The following FAF1 variants were observed in gnomAD, a reference collection of about 807,000 sequenced individuals.
FAF1 encodes Fas associated factor 1.
FAF1 carries 25 observed loss-of-function variants against 92.5 expected under a neutral mutation model. That is an observed-to-expected ratio of 0.27 (90% CI 0.20 to 0.38). The LOEUF is 0.38. Ranked by LOEUF, FAF1 falls within the 10% of genes least tolerant of loss-of-function variation. FAF1 has a pLI of 1.00. For missense variants in FAF1, 636 were observed against 793.3 expected (o/e 0.80, Z 2.38); for synonymous variants, 234 against 273.2 (o/e 0.86, Z 1.42).
At chr1:50,655,649 G>C in intron 7 of FAF1, 121 bp from the exon 8 acceptor site, 1 of 628,710 alleles carries the variant, frequency 1.6e-6, no homozygotes, top group Non-Finnish European at 2.6e-6. Context: ...ACAAGAATTT[G>C]AAACTATAAA....
chr1:50,798,358 TAGTG>T (rs766267577), intron 3 of FAF1, among the ~76,000 whole-genome samples: 7 of 152,198 alleles, frequency 4.6e-5, no homozygotes, highest in Non-Finnish European at 1.5e-5. Flanking sequence ...ACCATCCACT[TAGTG>T]AGTGGCTAAA....
chr1:50,587,348 T>A (rs1465362366), intron 9 of FAF1, among the ~76,000 whole-genome samples: 1 of 152,184 alleles, frequency 6.6e-6, no homozygotes, highest in Non-Finnish European at 1.5e-5. Context: ...AAGGGAGGTA[T>A]CTAAAAAGCC....
At chr1:50,872,618 T>C (rs1455558147) in intron 1 of FAF1, among the ~76,000 whole-genome samples, 3 of 152,136 alleles carry the variant, frequency 2.0e-5, no homozygotes, top group Non-Finnish European at 2.9e-5. Flanking sequence ...TCAAACAGGC[T>C]GGGCGCGGTG....
At chr1:50,726,380 T>C (rs1557495801) in intron 6 of FAF1, among the ~76,000 whole-genome samples, 2 of 152,096 alleles carry the variant, frequency 1.3e-5, no homozygotes, top group Non-Finnish European at 2.9e-5. Flanking sequence ...CTATTTTCTG[T>C]CACACCTTGC....
intron 18 of FAF1, among the ~76,000 whole-genome samples, chr1:50,471,906 A>G (rs1238927259): frequency 6.6e-6 from 1 of 152,170 alleles, no homozygotes; most frequent in Non-Finnish European, 1.5e-5. Context: ...GGAGAAGGGA[A>G]GAATGGAAAG....
intron 1 of FAF1, among the ~76,000 whole-genome samples, chr1:50,884,999 T>A (rs1644646841): frequency 6.6e-6 from 1 of 152,224 alleles, no homozygotes; most frequent in African/African-American, 2.4e-5. Flanking sequence ...GGTTGAATCT[T>A]GGAAGGTTTT....
At chr1:50,708,583 G>C (rs1379810299) in intron 6 of FAF1, among the ~76,000 whole-genome samples, 1 of 151,958 alleles carries the variant, frequency 6.6e-6, no homozygotes, top group South Asian at 2.1e-4. Context: ...AGAGAGCCCA[G>C]AGCAGGAGAG....
At chr1:50,716,722 A>C (rs139886517) in intron 6 of FAF1, among the ~76,000 whole-genome samples, 2 of 152,320 alleles carry the variant, frequency 1.3e-5, no homozygotes, top group African/African-American at 2.4e-5. Flanking sequence ...AAAACACGCC[A>C]ATCAGTGCTG....
At chr1:50,745,931 T>G (rs746825847) in intron 4 of FAF1, among the ~76,000 whole-genome samples, 53 of 152,006 alleles carry the variant, frequency 3.5e-4, no homozygotes, top group Non-Finnish European at 6.3e-4. Context: ...ATTAGGAACT[T>G]CCTAGAGACT....
At chr1:50,924,110 A>G (rs1282777747) in intron 1 of FAF1, among the ~76,000 whole-genome samples, 1 of 152,204 alleles carries the variant, frequency 6.6e-6, no homozygotes, top group Non-Finnish European at 1.5e-5. Context: ...CCAAATTGCA[A>G]AGGAAGAGGT....
At chr1:50,887,857 G>C (rs547613415) in intron 1 of FAF1, among the ~76,000 whole-genome samples, 2 of 152,268 alleles carry the variant, frequency 1.3e-5, no homozygotes, top group Non-Finnish European at 2.9e-5. Context: ...TCTTGGCAAG[G>C]CAGGCTCTTT....
At chr1:50,772,259 T>C (rs1179110033) in intron 4 of FAF1, among the ~76,000 whole-genome samples, 2 of 152,322 alleles carry the variant, frequency 1.3e-5, no homozygotes, top group East Asian at 3.9e-4. Context: ...GGAATGTAAA[T>C]TAGTTCAGCC....
chr1:50,886,174 G>A (rs72904737), intron 1 of FAF1, among the ~76,000 whole-genome samples: 9,930 of 152,132 alleles, frequency 0.065, 402 homozygotes, highest in East Asian at 0.094. Flanking sequence ...GTTGCCAGTG[G>A]TTTATTTTAC....
intron 1 of FAF1, among the ~76,000 whole-genome samples, chr1:50,938,182 T>C (rs1436233159): frequency 3.3e-5 from 5 of 152,218 alleles, no homozygotes; most frequent in Non-Finnish European, 5.9e-5. Flanking sequence ...CTATCTGACA[T>C]TACTATAGCA....
chr1:50,826,867 TTCCAGACACCG>T (rs1020866628), intron 2 of FAF1, among the ~76,000 whole-genome samples: 37 of 152,128 alleles, frequency 2.4e-4, no homozygotes, highest in African/African-American at 8.9e-4. Context: ...CACAAAAAAA[TTCCAGACACCG>T]TCTGGGAAGT....
intron 1 of FAF1, among the ~76,000 whole-genome samples, chr1:50,892,468 A>G (rs1451023543): frequency 6.6e-6 from 1 of 152,094 alleles, no homozygotes; most frequent in Non-Finnish European, 1.5e-5. Context: ...AGCTGTTCCT[A>G]TTTGGCCATC....
chr1:50,665,248 T>C (rs1416376599), intron 7 of FAF1, among the ~76,000 whole-genome samples: 1 of 152,214 alleles, frequency 6.6e-6, no homozygotes, highest in Non-Finnish European at 1.5e-5. Flanking sequence ...ATTGGACACA[T>C]GAATCAAGAA....
chr1:50,959,533 A>AT, intron 1 of FAF1: 1 of 322,714 alleles, frequency 3.1e-6, no homozygotes. Context: ...AACCCAAGTC[A>AT]TTAATACCTC....
At chr1:50,585,315 C>G (rs1196386780) in intron 9 of FAF1, among the ~76,000 whole-genome samples, 1 of 152,112 alleles carries the variant, frequency 6.6e-6, no homozygotes, top group African/African-American at 2.4e-5. Context: ...ATGAAATACA[C>G]TACATATGAA....
Sources: allele counts gnomAD v4.1 joint callset (sites outside exome capture counted in the v4.1 genomes callset), GRCh38; gene constraint gnomAD v4.1.1; transcripts MANE v1.5; gene names NCBI Gene and HGNC (gene_info 2026-07-23, HGNC 2026-07-21).